The following MARK2 variants were observed in gnomAD, a reference collection of about 807,000 sequenced individuals.
MARK2 encodes the protein serine/threonine-protein kinase MARK2.
In MARK2, 16 loss-of-function variants were observed where a neutral mutation model predicts 89.8. The observed-to-expected ratio is 0.18, with a 90% CI of 0.12 to 0.27. The LOEUF (loss-of-function observed/expected upper bound fraction) is 0.27. Among genes scored for constraint, MARK2 ranks in the 10% least tolerant of loss-of-function variants. The pLI is 1.00. For synonymous variants in MARK2, 382 were observed against 399.5 expected (o/e 0.96, Z 0.52); for missense variants, 621 against 1,049.9 (o/e 0.59, Z 5.65).
In MARK2 at chr11:63,902,792, AC is replaced by A. The variant is rs753018268; in HGVS notation, c.1416+16del. 17 of 1,600,954 alleles carry A rather than the reference AC, an allele frequency of 1.1e-5. No individual in the cohort carries two copies. Among genetic ancestry groups the A allele is most frequent in the Non-Finnish European group, 1.4e-5 (16 of 1,171,380 alleles). On this transcript the variant is annotated intron_variant, in intron 13 of 18. Coordinates refer to ENST00000402010, the MANE Select transcript of MARK2 (RefSeq NM_001039469.3). The surrounding 1 kb of genome is among the most constrained non-coding windows in gnomAD (Gnocchi z 4.2). ...CCCAACCCCCTCCACGGTGAGCCGC[AC>A]CCCCCGCTCTCTCCTTCCTTCCTGC...
chr11:63,910,652 A>ATTTTTTTTTTTTTTT lies in MARK2; in HGVS notation c.*1429_*1430insTTTTTTTTTTTTTTT, dbSNP rs750155967. 2 of 137,428 alleles carry ATTTTTTTTTTTTTTT rather than the reference A, an allele frequency of 1.5e-5. No individual in the cohort carries two copies. The highest frequency in any genetic ancestry group is 5.3e-5 in the African/African-American group (2 of 37,510). 8.5% of individuals were successfully genotyped at this position (137,428 alleles called of 1,614,324 possible). A position where few individuals can be genotyped will look rare whatever the true frequency, so the allele number is the denominator to read the frequency against. ...GTTTTATTTTTTATTATTTTATTTT[A>ATTTTTTTTTTTTTTT]TTTTTTTTTTTTTTGATTTATGATG... On this transcript the variant is annotated 3_prime_UTR_variant, in exon 19 of 19. Transcript: ENST00000402010.
chr11:63,874,907 G>T (rs182531284), intron 1 of MARK2, among the ~76,000 whole-genome samples: 85 of 152,250 alleles, frequency 5.6e-4, no homozygotes, highest in African/African-American at 2.0e-3. Flanking sequence ...GGAAAAGTCT[G>T]TTCCCATGGG....
chr11:63,875,694 C>CTATAAA (rs1280122070), intron 1 of MARK2, among the ~76,000 whole-genome samples: 1 of 152,202 alleles, frequency 6.6e-6, no homozygotes, highest in Admixed American at 6.5e-5. Context: ...AGTTCATGGG[C>CTATAAA]TATAAAACTC....
At chr11:63,864,840 A>G (rs1299356409) in intron 1 of MARK2, among the ~76,000 whole-genome samples, 1 of 151,944 alleles carries the variant, frequency 6.6e-6, no homozygotes, top group Non-Finnish European at 1.5e-5. Context: ...GCAAGACTCC[A>G]TCTCTAATAT....
At chr11:63,866,178 C>T (rs890240325) in intron 1 of MARK2, among the ~76,000 whole-genome samples, 11 of 152,052 alleles carry the variant, frequency 7.2e-5, no homozygotes, top group African/African-American at 2.4e-4. Flanking sequence ...ATGATGAAAC[C>T]CTGTCTCTAC....
intron 1 of MARK2, among the ~76,000 whole-genome samples, chr11:63,856,935 G>A (rs570683188): frequency 7.3e-5 from 11 of 151,408 alleles, no homozygotes; most frequent in Non-Finnish European, 1.2e-4. Context: ...AGCCTCCCGA[G>A]TAGCTGGGAG....
Position 63,904,053 on chromosome 11 carries a change from C to T in MARK2, c.1582C>T (p.Arg528Cys), listed in dbSNP as rs972173237. 1.2e-6 allele frequency: 2 copies of T among 1,608,730 alleles called. No individual in the cohort carries two copies. Among genetic ancestry groups the T allele is most frequent in the East Asian group, 2.2e-5 (1 of 44,872 alleles). The change falls in exon 15 of 19, where the codon CGC (arginine) becomes TGC (cysteine). Residue 528 changes from arginine (R) to cysteine (C), a missense_variant. Arg to Cys is a radical substitution (Grantham distance 180, BLOSUM62 -3). Coordinates refer to ENST00000402010, the MANE Select transcript of MARK2 (RefSeq NM_001039469.3). This position sits in a 1 kb window ranked among gnomAD's most constrained non-coding sequence, Gnocchi z 6.3. ...TGCCGCAGTCTCTGCGGCCCGGCCC[C>T]GCCAGCACCAGAAATCCATGTCGGC... Reference protein sequence around the residue: ...ASAAVSAARPRQHQKSMSASV... With the variant: ...ASAAVSAARPCQHQKSMSASV...
rs757427864 is a variant in MARK2, at chr11:63,904,804, C to T, written c.1695C>T (p.Val565=). 4 of 1,614,122 alleles carry T rather than the reference C, an allele frequency of 2.5e-6. No homozygotes were observed. Among genetic ancestry groups the T allele is most frequent in the Non-Finnish European group, 3.4e-6 (4 of 1,179,984 alleles). ...VPRPSTAPQR[V]PVASPSAHNI... ...CCCACAGCACAGCCCCCCAGCGTGTCCCTGTTGCCTCCCCATCCGCCCACA... is the reference window on the plus strand; with the variant it reads ...CCCACAGCACAGCCCCCCAGCGTGTTCCTGTTGCCTCCCCATCCGCCCACA... The change falls in exon 16 of 19, where the codon GTC becomes GTT. Residue 565 remains valine, a synonymous_variant. Coordinates refer to ENST00000402010, the MANE Select transcript of MARK2 (RefSeq NM_001039469.3). This position sits in a 1 kb window ranked among gnomAD's most constrained non-coding sequence, Gnocchi z 6.3.
intron 3 of MARK2, among the ~76,000 whole-genome samples, chr11:63,896,865 G>A (rs1302997494): frequency 3.9e-5 from 6 of 152,124 alleles, no homozygotes; most frequent in Admixed American, 3.9e-4. Context: ...AGTCTAGCCT[G>A]CCATCGTAAT....
intron 17 of MARK2, among the ~76,000 whole-genome samples, chr11:63,907,269 A>C (rs561640762): frequency 1.3e-5 from 2 of 152,140 alleles, no homozygotes; most frequent in Non-Finnish European, 2.9e-5. Context: ...TGTTGACTGC[A>C]TGACTGGCTG....
intron 17 of MARK2, among the ~76,000 whole-genome samples, chr11:63,907,021 G>A (rs1360026646): frequency 1.3e-5 from 2 of 152,220 alleles, no homozygotes; most frequent in South Asian, 4.1e-4. Context: ...TCCCTTCACA[G>A]TCCCCTTCCT....
intron 1 of MARK2, among the ~76,000 whole-genome samples, chr11:63,851,758 T>G (rs1040203936): frequency 1.3e-5 from 2 of 152,206 alleles, no homozygotes; most frequent in Non-Finnish European, 1.5e-5. Flanking sequence ...GATTCACTGC[T>G]TTAGAAAACT....
chr11:63,883,117 G>A lies in MARK2; in HGVS notation c.55-12042G>A, dbSNP rs551802792. ...AGGCTGGCAGTGTGAGCTTCCCTCAGCCCTTGGCACCATGTGGTACTGGTA... is the reference window on the plus strand; with the variant it reads ...AGGCTGGCAGTGTGAGCTTCCCTCAACCCTTGGCACCATGTGGTACTGGTA... On this transcript the variant is annotated intron_variant, in intron 1 of 18. Coordinates refer to ENST00000402010, the MANE Select transcript of MARK2 (RefSeq NM_001039469.3). Among the ~76,000 whole-genome samples the A allele has an allele frequency of 5.9e-5, 9 of 152,346 alleles. No individual in the cohort carries two copies. In the East Asian group the frequency reaches 1.5e-3, roughly 26 times the overall value.
At chr11:63,883,193 TGAA>T (rs1218132352) in intron 1 of MARK2, among the ~76,000 whole-genome samples, 2 of 152,084 alleles carry the variant, frequency 1.3e-5, no homozygotes, top group East Asian at 1.9e-4. Context: ...AAGGAACTGA[TGAA>T]GAAGGGAAGA....
chr11:63,902,539 C>A lies in MARK2; in HGVS notation c.1235-62C>A. Reference sequence around the variant, plus strand: ...GCCAGCCCTGTAGGAAATGAGCATGCGTGGGGCTGGCACTCAGTGGACCCC... The same window carrying A: ...GCCAGCCCTGTAGGAAATGAGCATGAGTGGGGCTGGCACTCAGTGGACCCC... On this transcript the variant is annotated intron_variant, in intron 12 of 18. Coordinates refer to ENST00000402010, the MANE Select transcript of MARK2 (RefSeq NM_001039469.3). The surrounding 1 kb of genome is among the most constrained non-coding windows in gnomAD (Gnocchi z 4.2). 6.7e-7 allele frequency: 1 copy of A among 1,494,362 alleles called. No individual in the cohort carries two copies. Among genetic ancestry groups the A allele is most frequent in the East Asian group, 2.3e-5 (1 of 43,642 alleles). 92.6% of individuals were successfully genotyped at this position (1,494,362 alleles called of 1,614,324 possible). A position where few individuals can be genotyped will look rare whatever the true frequency, so the allele number is the denominator to read the frequency against.
In MARK2 at chr11:63,903,136, T is replaced by C. The variant is rs1941038496; in HGVS notation, c.1492T>C (p.Ser498Pro). Residue 498 changes from serine (S) to proline (P), a missense_variant, in exon 14 of 19, where the codon TCC becomes CCC. This residue lies in a region of MARK2 where 397 missense variants were observed against 567.8 expected (regional missense o/e 0.70). Transcript: ENST00000402010. The surrounding 1 kb of genome is among the most constrained non-coding windows in gnomAD (Gnocchi z 5.1). ...LLERASLGQA[S>P]IQNGKDSLTM... is the part of the protein sequence containing the mutation. ...GGAGCGGGCCAGCCTCGGCCAGGCC[T>C]CCATCCAGAATGGCAAAGACAGGTG... 8 of 1,613,744 alleles carry C rather than the reference T, an allele frequency of 5.0e-6. No homozygotes were observed. The highest frequency in any genetic ancestry group is 5.1e-6 in the Non-Finnish European group (6 of 1,179,912).
chr11:63,882,681 T>C (rs1216918789), intron 1 of MARK2: 1 of 152,198 alleles, frequency 6.6e-6, no homozygotes, highest in Non-Finnish European at 1.5e-5. Context: ...TATATGTGCA[T>C]GTACAGAGTA....
intron 1 of MARK2, among the ~76,000 whole-genome samples, chr11:63,846,856 C>T (rs1269249374): frequency 6.6e-6 from 1 of 152,052 alleles, no homozygotes; most frequent in Non-Finnish European, 1.5e-5. Flanking sequence ...CGGGGTTTCA[C>T]CTTGTTAGCC....
At chr11:63,856,313 T>G (rs1297391117) in intron 1 of MARK2, among the ~76,000 whole-genome samples, 1 of 98,366 alleles carries the variant, frequency 1.0e-5, no homozygotes, top group Non-Finnish European at 2.3e-5. Flanking sequence ...TGTGGGTTTT[T>G]TTTTTTTGTT....
Sources: gnomAD v4.1 joint callset for allele counts (sites outside exome capture counted in the v4.1 genomes callset) on GRCh38, gnomAD v4.1.1 for gene constraint, gnomAD v4.1.1 regional missense constraint, Gnocchi (gnomAD v3.1) non-coding constraint, MANE v1.5 for transcripts, NCBI Gene and HGNC (gene_info 2026-07-23, HGNC 2026-07-21) for gene names.